DLGAP2: variants seen among roughly 807,000 people sequenced by gnomAD.
The protein encoded by DLGAP2 is disks large-associated protein 2.
Under a neutral mutation model 100.3 loss-of-function variants are expected in DLGAP2, and 26 were observed. That is an observed-to-expected ratio of 0.26 (90% CI 0.19 to 0.36). The LOEUF (loss-of-function observed/expected upper bound fraction) is 0.36, where lower values mean the gene tolerates loss of function less well. DLGAP2 is among the 10% of genes least tolerant of loss of function. DLGAP2 has a pLI of 1.00. For missense variants in DLGAP2, 1,858 were observed against 1,453.2 expected (o/e 1.28, Z -4.53); for synonymous variants, 886 against 630.1 (o/e 1.41, Z -6.08).
At chr8:1,505,167 T>G (rs999581014) in intron 4 of DLGAP2, among the ~76,000 whole-genome samples, 3 of 152,232 alleles carry the variant, frequency 2.0e-5, no homozygotes, top group African/African-American at 7.2e-5. Context: ...GGTTAAATGA[T>G]GATTTTTAAG....
chr8:1,078,160 A>T lies in DLGAP2; in HGVS notation c.73+170194A>T, dbSNP rs118046841. On this transcript the variant is annotated intron_variant, in intron 2 of 14. Coordinates refer to ENST00000637795, the MANE Select transcript of DLGAP2 (RefSeq NM_001346810.2). Reference sequence around the variant, plus strand: ...AGCTCCCTCAACACGCTGGCCCTCCAGAGACGCTCTCCTGGTTTAGAACAT... The same window carrying T: ...AGCTCCCTCAACACGCTGGCCCTCCTGAGACGCTCTCCTGGTTTAGAACAT... 7.5e-3 allele frequency among the ~76,000 whole-genome samples: 1,148 copies of T among 152,312 alleles called. 9 individuals carry two copies. Among genetic ancestry groups the T allele is most frequent in the Admixed American group, 0.013 (192 of 15,306 alleles).
intron 2 of DLGAP2, among the ~76,000 whole-genome samples, chr8:1,036,179 C>T (rs1449247124): frequency 9.3e-5 from 14 of 150,082 alleles, no homozygotes; most frequent in African/African-American, 3.0e-4. Context: ...ATCCCGACCC[C>T]GCGTGTCACC....
intron 5 of DLGAP2, among the ~76,000 whole-genome samples, chr8:1,563,637 G>A (rs1244623231): frequency 6.6e-6 from 1 of 152,076 alleles, no homozygotes; most frequent in Non-Finnish European, 1.5e-5. Context: ...TGCTCGTCCA[G>A]GCTGGAAGTC....
At chr8:988,826 C>A (rs996856091) in intron 2 of DLGAP2, among the ~76,000 whole-genome samples, 5 of 152,186 alleles carry the variant, frequency 3.3e-5, no homozygotes, top group Non-Finnish European at 7.3e-5. Flanking sequence ...TTTTCTGCAT[C>A]ATTTCCAAGC....
intron 4 of DLGAP2, among the ~76,000 whole-genome samples, chr8:1,546,164 C>T (rs1402546013): frequency 3.9e-5 from 6 of 152,134 alleles, no homozygotes; most frequent in South Asian, 4.1e-4. Context: ...AGGAAGACGC[C>T]GCCGGCCATT....
At chr8:901,146 G>A (rs1312339916) in intron 1 of DLGAP2, among the ~76,000 whole-genome samples, 1 of 152,144 alleles carries the variant, frequency 6.6e-6, no homozygotes, top group Non-Finnish European at 1.5e-5. Context: ...AATTAGCTGG[G>A]CATGATGTTG....
chr8:973,807 C>T (rs370540440), intron 2 of DLGAP2, among the ~76,000 whole-genome samples: 4 of 151,524 alleles, frequency 2.6e-5, no homozygotes, highest in Non-Finnish European at 3.0e-5. Flanking sequence ...ATCCGGGGCT[C>T]GGGCCCGTGG....
At chr8:946,420 C>A (rs894347710) in intron 2 of DLGAP2, among the ~76,000 whole-genome samples, 1 of 152,194 alleles carries the variant, frequency 6.6e-6, no homozygotes, top group Admixed American at 6.5e-5. Flanking sequence ...CCCGCCACCA[C>A]GCCCGGCTAA....
At chr8:1,266,488 A>G (rs1407082630) in intron 3 of DLGAP2, among the ~76,000 whole-genome samples, 1 of 152,124 alleles carries the variant, frequency 6.6e-6, no homozygotes, top group Non-Finnish European at 1.5e-5. Flanking sequence ...ATAAATAACT[A>G]TTACCAAAGC....
chr8:1,125,942 C>A (rs962968543), intron 2 of DLGAP2, among the ~76,000 whole-genome samples: 3 of 152,166 alleles, frequency 2.0e-5, no homozygotes, highest in Non-Finnish European at 4.4e-5. Flanking sequence ...ATTGAGAATC[C>A]CTGGCGCCCC....
chr8:1,049,768 A>T (rs1282023353), intron 2 of DLGAP2, among the ~76,000 whole-genome samples: 1 of 152,174 alleles, frequency 6.6e-6, no homozygotes, highest in Non-Finnish European at 1.5e-5. Flanking sequence ...CGGTGCATAG[A>T]CACAGGCACA....
chr8:1,685,495 C>G (rs1273096626), intron 12 of DLGAP2, among the ~76,000 whole-genome samples: 2 of 152,192 alleles, frequency 1.3e-5, no homozygotes, highest in African/African-American at 4.8e-5. Flanking sequence ...TTTTGTGGAT[C>G]AGACTAAGAG....
At chr8:977,044 A>T (rs960062892) in intron 2 of DLGAP2, among the ~76,000 whole-genome samples, 9 of 152,310 alleles carry the variant, frequency 5.9e-5, no homozygotes, top group Admixed American at 3.9e-4. Flanking sequence ...ACCTAATAAA[A>T]TACATGGATT....
Position 913,602 on chromosome 8 carries a change from G to C in DLGAP2, c.73+5636G>C, listed in dbSNP as rs116210656. Among the ~76,000 whole-genome samples, 991 of 152,282 alleles carry C rather than the reference G, an allele frequency of 6.5e-3. 12 individuals carry two copies. Among genetic ancestry groups the C allele is most frequent in the African/African-American group, 0.022 (928 of 41,554 alleles). ...TAGATGTTACATGCCTTTTTATAAT[G>C]CTTTCCAGTTTATAAGGTGCTTTCA... On this transcript the variant is annotated intron_variant, in intron 2 of 14. Transcript: ENST00000637795.
intron 3 of DLGAP2, among the ~76,000 whole-genome samples, chr8:1,270,622 A>G (rs530104113): frequency 6.6e-6 from 1 of 151,966 alleles, no homozygotes; most frequent in African/African-American, 2.4e-5. Flanking sequence ...TCTGACCCTG[A>G]CGTTCTCCCA....
intron 4 of DLGAP2, 80 bp downstream of exon 4, chr8:1,501,511 C>A: frequency 7.3e-7 from 1 of 1,367,902 alleles, no homozygotes; most frequent in Non-Finnish European, 9.9e-7. Context: ...ATCATGCGGA[C>A]CGTCCCACAA....
intron 2 of DLGAP2, among the ~76,000 whole-genome samples, chr8:1,033,576 G>A (rs1029775838): frequency 5.3e-5 from 8 of 152,198 alleles, no homozygotes; most frequent in Non-Finnish European, 8.8e-5. Flanking sequence ...GCCAAGGCAG[G>A]AGGATAGCTT....
At chr8:985,245 C>G (rs111621526) in intron 2 of DLGAP2, among the ~76,000 whole-genome samples, 140 of 152,328 alleles carry the variant, frequency 9.2e-4, no homozygotes, top group African/African-American at 3.2e-3. Flanking sequence ...TGGCTCAGCT[C>G]TCCACACCCA....
At chr8:767,245 C>G (rs1821237317) in intron 1 of DLGAP2, among the ~76,000 whole-genome samples, 1 of 151,834 alleles carries the variant, frequency 6.6e-6, no homozygotes, top group South Asian at 2.1e-4. Flanking sequence ...AATAAAAACA[C>G]AGGAACACCA....
Sources: allele counts gnomAD v4.1 joint callset (sites outside exome capture counted in the v4.1 genomes callset), GRCh38; gene constraint gnomAD v4.1.1; transcripts MANE v1.5; gene names NCBI Gene and HGNC (gene_info 2026-07-23, HGNC 2026-07-21).